Variants in TENM1 observed in about 807,000 individuals in gnomAD.
TENM1 encodes teneurin-1.
In TENM1, 35 loss-of-function variants were observed where a neutral mutation model predicts 174.8. That is an observed-to-expected ratio of 0.20 (90% CI 0.15 to 0.27). The LOEUF (loss-of-function observed/expected upper bound fraction) is 0.27, where lower values mean the gene tolerates loss of function less well. TENM1 is among the 10% of genes least tolerant of loss of function. TENM1 has a pLI of 1.00. For synonymous variants in TENM1, 781 were observed against 798.7 expected (o/e 0.98, Z 0.37); for missense variants, 1,633 against 2,130.1 (o/e 0.77, Z 4.59).
At chrX:124,813,582 T>C (rs2055830958) in intron 3 of TENM1, among the ~76,000 whole-genome samples, 1 of 111,863 alleles carries the variant, frequency 8.9e-6, no homozygotes, top group East Asian at 2.8e-4. Flanking sequence ...TACATTATAG[T>C]ACAGTTGTGC....
chrX:124,645,057 G>T (rs781324071), intron 10 of TENM1, 86 bp downstream of exon 13: 1 of 957,931 alleles, frequency 1.0e-6, no homozygotes, highest in Non-Finnish European at 1.5e-6. Context: ...AAGGCCACTT[G>T]CATCTCTACT....
At chrX:124,927,354 A>G (rs1347169367) in intron 1 of TENM1, among the ~76,000 whole-genome samples, 2 of 111,416 alleles carry the variant, frequency 1.8e-5, no homozygotes, top group Non-Finnish European at 3.8e-5. Context: ...CCCCACTTAC[A>G]TAAAAACTAG....
chrX:125,011,113 G>A, the TENM1 span, among the ~76,000 whole-genome samples: 1 of 111,693 alleles, frequency 9.0e-6, no homozygotes, highest in South Asian at 3.7e-4. Context: ...ATGGTGCTAG[G>A]AAAACTGGCT....
chrX:124,513,800 C>A (rs1453417604), intron 18 of TENM1, among the ~76,000 whole-genome samples: 3 of 112,148 alleles, frequency 2.7e-5, no homozygotes, highest in Non-Finnish European at 5.6e-5. Flanking sequence ...TATTTATCAT[C>A]TACTGTGTTC....
At chrX:124,550,685 T>C (rs1473866474) in intron 14 of TENM1, among the ~76,000 whole-genome samples, 1 of 111,656 alleles carries the variant, frequency 9.0e-6, no homozygotes, top group Non-Finnish European at 1.9e-5. Context: ...TGACTATACA[T>C]AGGTATTTAG....
chrX:125,063,180 G>C, the TENM1 span, among the ~76,000 whole-genome samples: 1 of 112,025 alleles, frequency 8.9e-6, no homozygotes. Context: ...ATAGAACTAT[G>C]AGCCAAATAT....
At chrX:125,081,962 G>A in the TENM1 span, among the ~76,000 whole-genome samples, 5 of 109,594 alleles carry the variant, frequency 4.6e-5, no homozygotes, top group Non-Finnish European at 7.7e-5. Context: ...AATACAGAGG[G>A]GAGTAATAAA....
chrX:124,399,984 T>C (rs1449214475), intron 27 of TENM1, among the ~76,000 whole-genome samples: 1 of 110,025 alleles, frequency 9.1e-6, no homozygotes, highest in Non-Finnish European at 1.9e-5. Flanking sequence ...CACAACCAAA[T>C]ATAGCAGGTT....
chrX:124,747,534 T>C (rs1284126371), intron 3 of TENM1, among the ~76,000 whole-genome samples: 6 of 105,819 alleles, frequency 5.7e-5, no homozygotes, highest in East Asian at 3.2e-4. Context: ...CCATGGAAAG[T>C]GATGGCAAAA....
intron 3 of TENM1, among the ~76,000 whole-genome samples, chrX:124,880,973 G>A (rs957138089): frequency 1.8e-5 from 2 of 111,749 alleles, no homozygotes; most frequent in Non-Finnish European, 3.8e-5. Context: ...TATTCATCAG[G>A]GATATTGGCC....
At chrX:125,177,695 T>C in the TENM1 span, among the ~76,000 whole-genome samples, 1 of 111,618 alleles carries the variant, frequency 9.0e-6, no homozygotes, top group Non-Finnish European at 1.9e-5. Flanking sequence ...AAGTTAGCAA[T>C]ATCATGGGGC....
intron 11 of TENM1, among the ~76,000 whole-genome samples, chrX:124,632,978 T>C (rs992811530): frequency 8.9e-6 from 1 of 111,867 alleles, no homozygotes; most frequent in Non-Finnish European, 1.9e-5. Flanking sequence ...TACTTTATCC[T>C]CCCCTGTCAG....
At chrX:124,538,167 AAC>A (rs1246204815) in intron 15 of TENM1, among the ~76,000 whole-genome samples, 5 of 112,130 alleles carry the variant, frequency 4.5e-5, no homozygotes, top group African/African-American at 1.6e-4. Flanking sequence ...ATGTGTTTTG[AAC>A]ATGTGTTTTC....
chrX:124,481,776 C>T, exon 22 of TENM1: 2 of 1,201,075 alleles, frequency 1.7e-6, no homozygotes, highest in Non-Finnish European at 2.3e-6. Flanking sequence ...CCCACCATCT[C>T]CACAATGACT....
At chrX:125,013,361 A>G in the TENM1 span, among the ~76,000 whole-genome samples, 2 of 111,749 alleles carry the variant, frequency 1.8e-5, no homozygotes, top group Non-Finnish European at 3.8e-5. Context: ...TTGTTTCAAG[A>G]TAGACTATGC....
intron 3 of TENM1, among the ~76,000 whole-genome samples, chrX:124,769,316 A>G (rs2054602764): frequency 9.0e-6 from 1 of 111,726 alleles, no homozygotes; most frequent in Non-Finnish European, 1.9e-5. Context: ...TTGACTATTA[A>G]AAAGCAATTT....
At chrX:124,769,648 T>C (rs973733416) in intron 3 of TENM1, among the ~76,000 whole-genome samples, 1 of 112,391 alleles carries the variant, frequency 8.9e-6, no homozygotes, top group Non-Finnish European at 1.9e-5. Flanking sequence ...AGTACATTTA[T>C]GATACTTTAG....
chrX:124,828,770 CCTT>C (rs2056224509), intron 3 of TENM1, among the ~76,000 whole-genome samples: 1 of 111,635 alleles, frequency 9.0e-6, no homozygotes. Context: ...CTGTATCTCT[CCTT>C]ATTTAACAAC....
At chrX:125,197,899 G>A in the TENM1 span, among the ~76,000 whole-genome samples, 1 of 111,246 alleles carries the variant, frequency 9.0e-6, no homozygotes, top group Non-Finnish European at 1.9e-5. Context: ...TCTCTCAGTC[G>A]TAATACAGAA....
Sources: allele counts gnomAD v4.1 joint callset (sites outside exome capture counted in the v4.1 genomes callset), GRCh38; gene constraint gnomAD v4.1.1; transcripts MANE v1.5; gene names NCBI Gene and HGNC (gene_info 2026-07-23, HGNC 2026-07-21).